The following CAMTA1 variants were observed in gnomAD, a reference collection of about 807,000 sequenced individuals.
The protein encoded by CAMTA1 is calmodulin binding transcription activator 1.
Under a neutral mutation model 170.9 loss-of-function variants are expected in CAMTA1, and 27 were observed. The ratio of observed to expected loss-of-function variants is 0.16; its 90% CI spans 0.12 to 0.22. The LOEUF (loss-of-function observed/expected upper bound fraction) is 0.22, where lower values mean the gene tolerates loss of function less well. CAMTA1 is among the 10% of genes least tolerant of loss of function. The pLI is 1.00. For synonymous variants in CAMTA1, 833 were observed against 891.5 expected (o/e 0.93, Z 1.17); for missense variants, 1,619 against 2,217.2 (o/e 0.73, Z 5.42).
chr1:7,632,017 TGTCG>T (rs1558029457), intron 6 of CAMTA1, among the ~76,000 whole-genome samples: 3 of 144,712 alleles, frequency 2.1e-5, no homozygotes, highest in Non-Finnish European at 4.5e-5. Context: ...TGTCGCCCAG[TGTCG>T]CCCAGTGCCG....
rs1278140477 is a variant in CAMTA1, at chr1:7,224,279, A to G, written c.303-25212A>G. The stretch of plus-strand genomic sequence containing the variant: ...GGAAACATAATCGCTGCTCAAGGTC[A>G]GGCTGTGCCCAGTGGCCGAGGCGCT... On this transcript the variant is annotated intron_variant, in intron 4 of 22. Coordinates refer to ENST00000303635, the MANE Select transcript of CAMTA1 (RefSeq NM_015215.4). The surrounding 1 kb of genome is among the most constrained non-coding windows in gnomAD (Gnocchi z 5.2). 6.6e-6 allele frequency among the ~76,000 whole-genome samples: 1 copy of G among 152,168 alleles called. No individual in the cohort carries two copies. The highest frequency in any genetic ancestry group is 1.5e-5 in the Non-Finnish European group (1 of 68,030).
At chr1:7,037,003 G>GT (rs1180332489) in intron 3 of CAMTA1, among the ~76,000 whole-genome samples, 1 of 152,154 alleles carries the variant, frequency 6.6e-6, no homozygotes, top group Admixed American at 6.5e-5. Context: ...TTCTTCATCG[G>GT]TTTTATAATG....
At chr1:7,375,671 G>A (rs1481304761) in intron 5 of CAMTA1, among the ~76,000 whole-genome samples, 1 of 152,244 alleles carries the variant, frequency 6.6e-6, no homozygotes, top group Non-Finnish European at 1.5e-5. Flanking sequence ...TAGGGGACCT[G>A]TGTCCCCATG....
At chr1:6,931,678 C>T (rs1222806539) in intron 3 of CAMTA1, among the ~76,000 whole-genome samples, 11 of 152,328 alleles carry the variant, frequency 7.2e-5, no homozygotes, top group Non-Finnish European at 1.3e-4. Context: ...GATTTGCCTA[C>T]GCTACGTGGC....
At chr1:7,276,303 A>ATATATTTTTTTTT in intron 5 of CAMTA1, among the ~76,000 whole-genome samples, 2 of 24,226 alleles carry the variant, frequency 8.3e-5, no homozygotes, top group Non-Finnish European at 1.2e-4. Context: ...ATATATATAT[A>ATATATTTTTTTTT]TTTTTTTTTT....
chr1:6,963,189 C>A (rs1033592998), intron 3 of CAMTA1, among the ~76,000 whole-genome samples: 3 of 150,102 alleles, frequency 2.0e-5, no homozygotes, highest in African/African-American at 7.3e-5. Flanking sequence ...TCTTTTGGCT[C>A]CTCCTCACCC....
chr1:6,983,688 G>T (rs1694815680), intron 3 of CAMTA1, among the ~76,000 whole-genome samples: 1 of 152,140 alleles, frequency 6.6e-6, no homozygotes, highest in Non-Finnish European at 1.5e-5. Flanking sequence ...TTTGATGGAA[G>T]GATGGATGAA....
At chr1:7,652,669 C>G (rs1007749807) in intron 7 of CAMTA1, among the ~76,000 whole-genome samples, 72 of 152,262 alleles carry the variant, frequency 4.7e-4, no homozygotes, top group Non-Finnish European at 2.4e-4. Context: ...GGTGAAGGGG[C>G]CGAGGGAAAC....
chr1:6,885,485 C>G (rs1324656841), intron 3 of CAMTA1, among the ~76,000 whole-genome samples: 1 of 152,174 alleles, frequency 6.6e-6, no homozygotes, highest in Non-Finnish European at 1.5e-5. Context: ...TTCATTCCTT[C>G]AGAAATTTGC....
chr1:7,310,655 CTT>C (rs1240255920), intron 5 of CAMTA1, among the ~76,000 whole-genome samples: 1 of 44,974 alleles, frequency 2.2e-5, no homozygotes, highest in Non-Finnish European at 4.0e-5. Context: ...TTTTTTCTTT[CTT>C]TCTTTCTTTC....
At chr1:6,880,928 TAAAC>T (rs371536437) in intron 3 of CAMTA1, among the ~76,000 whole-genome samples, 132 of 152,268 alleles carry the variant, frequency 8.7e-4, no homozygotes, top group African/African-American at 2.9e-3. Context: ...GGAATAATAA[TAAAC>T]AATAAACAAA....
chr1:7,591,548 T>C (rs534302089), intron 6 of CAMTA1, among the ~76,000 whole-genome samples: 1 of 152,226 alleles, frequency 6.6e-6, no homozygotes, highest in South Asian at 2.1e-4. Context: ...CAGTTCTTCA[T>C]TGTTTAAGCA....
intron 5 of CAMTA1, among the ~76,000 whole-genome samples, chr1:7,258,989 A>C (rs74051547): frequency 0.011 from 1,635 of 152,264 alleles, 28 homozygotes; most frequent in Admixed American, 0.04. Flanking sequence ...GGTGTAAATG[A>C]AGGGCTCTTT....
At chr1:7,714,668 C>T (rs774335792) in intron 11 of CAMTA1, among the ~76,000 whole-genome samples, 2 of 152,082 alleles carry the variant, frequency 1.3e-5, no homozygotes, top group Admixed American at 6.6e-5. Context: ...ACTCCAGGTG[C>T]GTGTCACCAC....
intron 3 of CAMTA1, among the ~76,000 whole-genome samples, chr1:6,925,922 T>C (rs1171926163): frequency 1.3e-5 from 2 of 152,044 alleles, no homozygotes; most frequent in Non-Finnish European, 2.9e-5. Flanking sequence ...CCCTCCCGGC[T>C]CCAGCTGTAA....
At chr1:7,725,706 C>G (rs866062340) in intron 11 of CAMTA1, among the ~76,000 whole-genome samples, 1 of 152,242 alleles carries the variant, frequency 6.6e-6, no homozygotes, top group Non-Finnish European at 1.5e-5. Flanking sequence ...AGCATCAGAA[C>G]TGCCTGGGAC....
At chr1:6,794,890 G>GTTTTTTTT (rs61310345) in intron 1 of CAMTA1, among the ~76,000 whole-genome samples, 1 of 147,046 alleles carries the variant, frequency 6.8e-6, no homozygotes, top group East Asian at 2.0e-4. Flanking sequence ...CTTTTTTTTT[G>GTTTTTTTT]TTTTTTTTGT....
At chr1:7,533,292 C>G (rs1307748540) in intron 6 of CAMTA1, among the ~76,000 whole-genome samples, 1 of 152,212 alleles carries the variant, frequency 6.6e-6, no homozygotes, top group African/African-American at 2.4e-5. Flanking sequence ...CGGCTGTGCC[C>G]TCTGCAGGCA....
At position 7,624,270 on chromosome 1, in the gene CAMTA1, G is replaced by A. The variant is rs78634752; in HGVS notation, c.511-16130G>A. Reference sequence around the variant, plus strand: ...GCTGTGATCAATTGGTGATGACAACGCAGAACCCTGCCTATGCGATTTCTG... The same window carrying A: ...GCTGTGATCAATTGGTGATGACAACACAGAACCCTGCCTATGCGATTTCTG... On this transcript the variant is annotated intron_variant, in intron 6 of 22. Coordinates refer to ENST00000303635, the MANE Select transcript of CAMTA1 (RefSeq NM_015215.4). Among the ~76,000 whole-genome samples, 1,386 of 152,336 alleles carry A rather than the reference G, an allele frequency of 9.1e-3. 26 individuals carry two copies. Among genetic ancestry groups the A allele is most frequent in the African/African-American group, 0.032 (1,314 of 41,566 alleles).
Sources: gnomAD v4.1 joint callset for allele counts (sites outside exome capture counted in the v4.1 genomes callset) on GRCh38, gnomAD v4.1.1 for gene constraint, Gnocchi (gnomAD v3.1) non-coding constraint, MANE v1.5 for transcripts, NCBI Gene and HGNC (gene_info 2026-07-23, HGNC 2026-07-21) for gene names.